NAV2: variants seen among roughly 807,000 people sequenced by gnomAD.
The protein encoded by NAV2 is neuron navigator 2.
NAV2 carries 54 observed loss-of-function variants against 223.2 expected under a neutral mutation model. The ratio of observed to expected loss-of-function variants is 0.24; its 90% CI spans 0.19 to 0.30. The LOEUF (loss-of-function observed/expected upper bound fraction) is 0.30, where lower values mean the gene tolerates loss of function less well. Among genes scored for constraint, NAV2 ranks in the 10% least tolerant of loss-of-function variants. The probability of loss-of-function intolerance (pLI) is 1.00; values close to 1 mark genes in which losing one functional copy is unlikely to be tolerated. For synonymous variants in NAV2, 1,279 were observed against 1,239.3 expected (o/e 1.03, Z -0.67); for missense variants, 2,806 against 3,147.5 (o/e 0.89, Z 2.60).
chr11:19,926,664 C>A (rs2044780377), intron 6 of NAV2, among the ~76,000 whole-genome samples: 1 of 151,508 alleles, frequency 6.6e-6, no homozygotes, highest in African/African-American at 2.4e-5. Flanking sequence ...ACAAAAAAAA[C>A]TAGTTTCAAT....
intron 1 of NAV2, among the ~76,000 whole-genome samples, chr11:19,666,999 G>A (rs998319259): frequency 2.6e-5 from 4 of 152,072 alleles, no homozygotes; most frequent in African/African-American, 4.8e-5. Context: ...GCTTCCTCCA[G>A]AAGGCCCTCC....
At chr11:19,416,846 A>G (rs1850391570) in intron 1 of NAV2, among the ~76,000 whole-genome samples, 1 of 152,242 alleles carries the variant, frequency 6.6e-6, no homozygotes, top group Non-Finnish European at 1.5e-5. Flanking sequence ...GCAATGGGGA[A>G]AGGATTCCCT....
At position 19,353,859 on chromosome 11, in the gene NAV2, C is replaced by T. The variant is rs375124028; in HGVS notation, c.75+2832C>T. 5.1e-4 allele frequency among the ~76,000 whole-genome samples: 77 copies of T among 152,236 alleles called. 1 individual carries two copies. The South Asian group carries it at 0.016, about 31-fold the overall frequency. Reference sequence around the variant, plus strand: ...AGTGACTGCTATTAACAGTTTTGTACATATTATTCTTGACTTTTTTTGGTT... The same window carrying T: ...AGTGACTGCTATTAACAGTTTTGTATATATTATTCTTGACTTTTTTTGGTT... On this transcript the variant is annotated intron_variant, in intron 1 of 37. Transcript: ENST00000360655.
intron 10 of NAV2, among the ~76,000 whole-genome samples, chr11:19,976,508 C>T (rs954940899): frequency 5.9e-5 from 9 of 152,180 alleles, no homozygotes; most frequent in Non-Finnish European, 1.2e-4. Context: ...TTAACTCAGG[C>T]CCACCTTTTC....
chr11:19,880,276 G>A lies in NAV2; in HGVS notation c.770+149G>A. On this transcript the variant is annotated intron_variant, in intron 5 of 37. Transcript: ENST00000349880. ...GTTAGTGGGAAATTAGCATGGCCTT[G>A]AAATGCATGCAGTGAGGAGCCCTTC... is the stretch of plus-strand genomic sequence containing the variant. 3.5e-6 allele frequency: 4 copies of A among 1,156,596 alleles called. No homozygotes were observed. In the South Asian group the frequency reaches 5.0e-5, roughly 14 times the overall value. The allele number at this position is 1,156,596 out of a possible 1,614,324, so 71.6% of individuals were successfully genotyped here.
At chr11:19,607,437 C>T (rs1461635289) in intron 1 of NAV2, among the ~76,000 whole-genome samples, 1 of 152,174 alleles carries the variant, frequency 6.6e-6, no homozygotes, top group African/African-American at 2.4e-5. Context: ...CACTGCCTTT[C>T]TAAGTGGAGC....
At chr11:19,834,245 C>T (rs1391152917) in intron 2 of NAV2, among the ~76,000 whole-genome samples, 1 of 152,186 alleles carries the variant, frequency 6.6e-6, no homozygotes, top group African/African-American at 2.4e-5. Flanking sequence ...TCTCAAAACC[C>T]TTTTGAAGTA....
intron 7 of NAV2, among the ~76,000 whole-genome samples, chr11:19,935,037 C>T (rs1431872546): frequency 6.6e-6 from 1 of 152,186 alleles, no homozygotes; most frequent in African/African-American, 2.4e-5. Flanking sequence ...GCTCAGGCTA[C>T]ACCACACCCC....
At chr11:19,984,341 G>T in intron 11 of NAV2, 94 bp downstream of exon 11, 1 of 1,576,778 alleles carries the variant, frequency 6.3e-7, no homozygotes, top group South Asian at 1.1e-5. Flanking sequence ...AGTGAATGGA[G>T]ACTTGAACCC....
At chr11:19,838,815 G>C (rs1040038428) in intron 2 of NAV2, among the ~76,000 whole-genome samples, 7 of 152,240 alleles carry the variant, frequency 4.6e-5, no homozygotes, top group African/African-American at 1.7e-4. Context: ...GTAGAGACAG[G>C]GTTTTGCCAT....
intron 1 of NAV2, among the ~76,000 whole-genome samples, chr11:19,353,486 G>A (rs1216992854): frequency 6.6e-6 from 1 of 152,198 alleles, no homozygotes; most frequent in African/African-American, 2.4e-5. Flanking sequence ...CAATGGTGCT[G>A]TGTGTTAGCT....
intron 2 of NAV2, among the ~76,000 whole-genome samples, chr11:19,838,861 T>A (rs557775475): frequency 2.7e-4 from 41 of 152,204 alleles, no homozygotes; most frequent in Non-Finnish European, 5.4e-4. Context: ...TGGCCTCAAG[T>A]GATCTGCCCA....
At chr11:20,071,106 G>GTCCCCCCCCC (rs2059377421) in intron 22 of NAV2, among the ~76,000 whole-genome samples, 1 of 128,376 alleles carries the variant, frequency 7.8e-6, no homozygotes, top group Non-Finnish European at 1.6e-5. Context: ...CCCTCCCCTA[G>GTCCCCCCCCC]CCCCCCACCC....
rs998759111 is a variant in NAV2 at position 19,795,067 on chromosome 11, C to A, written c.268-37417C>A. Among the ~76,000 whole-genome samples, 30 of 152,180 alleles carry A rather than the reference C, an allele frequency of 2.0e-4. 1 individual carries two copies. Among genetic ancestry groups the A allele is most frequent in the Non-Finnish European group, 2.9e-5 (2 of 68,038 alleles). ...TCCCAGGTACAGGAGTGCAGGCAAA[C>A]AAGGTTGAATAACCTGTCCAGTGCC... On this transcript the variant is annotated intron_variant, in intron 1 of 37. Coordinates refer to ENST00000349880, the MANE Select transcript of NAV2 (RefSeq NM_145117.5).
chr11:19,729,700 T>A (rs1017822337), intron 1 of NAV2, among the ~76,000 whole-genome samples: 4 of 152,068 alleles, frequency 2.6e-5, no homozygotes, highest in Non-Finnish European at 5.9e-5. Context: ...AGATGTTGAG[T>A]GCCATTTCTC....
chr11:20,115,600 C>T (rs1395616853), intron 37 of NAV2, among the ~76,000 whole-genome samples: 1 of 123,644 alleles, frequency 8.1e-6, no homozygotes, highest in Non-Finnish European at 1.6e-5. Flanking sequence ...CCACTGCACT[C>T]CAGCCTGGGC....
intron 37 of NAV2, among the ~76,000 whole-genome samples, chr11:20,115,524 C>T (rs996726427): frequency 2.1e-5 from 3 of 143,934 alleles, no homozygotes; most frequent in Admixed American, 7.3e-5. Context: ...CCCAGCTACT[C>T]GGGAGGCTGA....
intron 1 of NAV2, among the ~76,000 whole-genome samples, chr11:19,655,516 G>A (rs545867703): frequency 6.6e-6 from 1 of 152,168 alleles, no homozygotes; most frequent in East Asian, 1.9e-4. Context: ...TGATAGACTG[G>A]GTTAAGAAAA....
At chr11:19,842,786 C>T in intron 2 of NAV2, 85 bp from the exon 3 acceptor site, 4 of 1,272,944 alleles carry the variant, frequency 3.1e-6, no homozygotes, top group Middle Eastern at 1.9e-4. Flanking sequence ...GGCCTTAGGA[C>T]TTGGTTGCCT....
Sources: allele counts gnomAD v4.1 joint callset (sites outside exome capture counted in the v4.1 genomes callset), GRCh38; gene constraint gnomAD v4.1.1; transcripts MANE v1.5; gene names NCBI Gene and HGNC (gene_info 2026-07-23, HGNC 2026-07-21).